Variants in DDX39A observed in about 807,000 individuals in gnomAD.
The protein encoded by DDX39A is DExD-box helicase 39A, also known as ATP-dependent RNA helicase DDX39A.
Under a neutral mutation model 46.3 loss-of-function variants are expected in DDX39A, and 13 were observed. The observed-to-expected ratio is 0.28, with a 90% confidence interval of 0.18 to 0.45. DDX39A has a LOEUF of 0.45. DDX39A is among the 20% of genes least tolerant of loss of function. The probability of loss-of-function intolerance (pLI) is 1.00; values close to 1 mark genes in which losing one functional copy is unlikely to be tolerated. For missense variants in DDX39A, 352 were observed against 581.8 expected (o/e 0.61, Z 4.06); for synonymous variants, 234 against 224.6 (o/e 1.04, Z -0.38).
intron 1 of DDX39A, among the ~76,000 whole-genome samples, chr19:14,414,463 G>T (rs1976725685): frequency 6.7e-6 from 1 of 149,598 alleles, no homozygotes; most frequent in African/African-American, 2.4e-5. Context: ...AGATTCTCCT[G>T]CCTCAGCCTC....
chr19:14,413,364 T>A, intron 1 of DDX39A, 140 bp from the exon 2 acceptor site: 1 of 729,468 alleles, frequency 1.4e-6, no homozygotes, highest in South Asian at 1.9e-5. Flanking sequence ...CTTCGCCCTG[T>A]CTCCACCTCC....
Position 14,412,887 on chromosome 19 carries a change from G to A in DDX39A, c.208+126C>T. On this transcript the variant is annotated intron_variant, in intron 2 of 10. Transcript: ENST00000242776. The surrounding 1 kb of genome is among the most constrained non-coding windows in gnomAD (Gnocchi z 4.4). ...GCCACAGGCCCCGCTGGGCACAACT[G>A]ATCCGCGGGACAGACGGGCCCCTCC... 6 of 1,299,806 alleles carry A rather than the reference G, an allele frequency of 4.6e-6. No individual in the cohort carries two copies. Among genetic ancestry groups the A allele is most frequent in the Non-Finnish European group, 6.3e-6 (6 of 947,632 alleles). The allele number at this position is 1,299,806 out of a possible 1,614,324, so 80.5% of individuals were successfully genotyped here. A position where few individuals can be genotyped will look rare whatever the true frequency, so the allele number is the denominator to read the frequency against.
At position 14,411,385 on chromosome 19, in the gene DDX39A, C is replaced by T. The variant is rs906168611; in HGVS notation, c.429+121G>A. ...CAGGCTTTTAAGGAGCAAAAACCACCGCAAACCTCAAAGGCAGCTGCCCCT... is the reference window on the plus strand; with the variant it reads ...CAGGCTTTTAAGGAGCAAAAACCACTGCAAACCTCAAAGGCAGCTGCCCCT... On this transcript the variant is annotated intron_variant, in intron 4 of 10. Transcript: ENST00000242776. The surrounding 1 kb of genome is among the most constrained non-coding windows in gnomAD (Gnocchi z 4.1). The T allele has an allele frequency of 1.3e-5, 15 of 1,112,194 alleles. No individual in the cohort carries two copies. The highest frequency in any genetic ancestry group is 9.9e-5 in the Admixed American group (5 of 50,320). 68.9% of individuals were successfully genotyped at this position (1,112,194 alleles called of 1,614,324 possible).
chr19:14,410,910 C>CA lies in DDX39A; in HGVS notation c.613+78dup, dbSNP rs1976560857. 7.4e-7 allele frequency: 1 copy of CA among 1,357,434 alleles called. No individual in the cohort carries two copies. The allele number at this position is 1,357,434 out of a possible 1,614,324, so 84.1% of individuals were successfully genotyped here. A position where few individuals can be genotyped will look rare whatever the true frequency, so the allele number is the denominator to read the frequency against. ...CCGCCTGCCGGCCGCCCATGTAACC[C>CA]ACTCAAGAGCCTTCCGCCTGCTATG... On this transcript the variant is annotated intron_variant, in intron 5 of 10. Coordinates refer to ENST00000242776, the MANE Select transcript of DDX39A (RefSeq NM_005804.4). The surrounding 1 kb of genome is among the most constrained non-coding windows in gnomAD (Gnocchi z 4.3).
intron 1 of DDX39A, among the ~76,000 whole-genome samples, chr19:14,414,325 T>TTTATTA (rs376558858): frequency 0.023 from 3,071 of 133,482 alleles, 60 homozygotes; most frequent in Non-Finnish European, 0.03. Flanking sequence ...TATCACCTGT[T>TTTATTA]TTATTATTAT....
chr19:14,414,369 T>G (rs927092119), intron 1 of DDX39A, among the ~76,000 whole-genome samples: 14 of 138,436 alleles, frequency 1.0e-4, no homozygotes, highest in African/African-American at 3.5e-4. Flanking sequence ...TTATTATTAT[T>G]ATTGAGATGA....
At position 14,409,007 on chromosome 19, in the gene DDX39A, C is replaced by T. The variant is rs1976427183; in HGVS notation, c.1267+30G>A. On this transcript the variant is annotated intron_variant, in intron 10 of 10. Transcript: ENST00000242776. This position sits in a 1 kb window ranked among gnomAD's most constrained non-coding sequence, Gnocchi z 8.3. Reference sequence around the variant, plus strand: ...GGGCCGGGGGAGGAACCCTCTGCCCCAGACCCCTGGCCCTGCCCAAGGCAC... The same window carrying T: ...GGGCCGGGGGAGGAACCCTCTGCCCTAGACCCCTGGCCCTGCCCAAGGCAC... 6.2e-7 allele frequency: 1 copy of T among 1,613,846 alleles called. No homozygotes were observed. The highest frequency in any genetic ancestry group is 8.5e-7 in the Non-Finnish European group (1 of 1,179,800).
chr19:14,411,534 C>A lies in DDX39A; in HGVS notation c.401G>T (p.Arg134Leu). 1 of 1,614,180 alleles carries A rather than the reference C, an allele frequency of 6.2e-7. No homozygotes were observed. ...GACGCTGGGCATGTACTTGGAAAAG[C>A]GCTCATATTCCTTGCTGATCTGGAA... is the stretch of plus-strand genomic sequence containing the variant. ...LAFQISKEYERFSKYMPSVKV... is the reference protein window; with the variant it reads ...LAFQISKEYELFSKYMPSVKV... Residue 134 changes from arginine to leucine, a missense_variant, in exon 4 of 11, where the codon CGC (arginine) becomes CTC (leucine). Arg to Leu is a moderately radical substitution (Grantham distance 102). This residue lies in a region of DDX39A where 301 missense variants were observed against 469.9 expected (regional missense o/e 0.64). Transcript: ENST00000242776. The surrounding 1 kb of genome is among the most constrained non-coding windows in gnomAD (Gnocchi z 4.1).
rs761435009 is a variant in DDX39A, at chr19:14,409,730, TG to T, written c.864+11del. On this transcript the variant is annotated intron_variant, in intron 7 of 10. Transcript: ENST00000242776. This position sits in a 1 kb window ranked among gnomAD's most constrained non-coding sequence, Gnocchi z 8.3. ...GGTCCTGAGCCCCAGGACAGGCTGA[TG>T]GAAGTATCACCTGGTTAAACTCCAG... The T allele has an allele frequency of 6.2e-6, 10 of 1,614,020 alleles. No homozygotes were observed. Among genetic ancestry groups the T allele is most frequent in the East Asian group, 4.5e-5 (2 of 44,904 alleles).
chr19:14,415,326 G>A (rs1976767160), intron 1 of DDX39A, among the ~76,000 whole-genome samples: 1 of 151,756 alleles, frequency 6.6e-6, no homozygotes, highest in African/African-American at 2.4e-5. Flanking sequence ...TTGAGACAAG[G>A]TCTTGCTCTG....
chr19:14,411,688 A>G lies in DDX39A; in HGVS notation c.337-90T>C, dbSNP rs142457753. 133 of 1,146,998 alleles carry G rather than the reference A, an allele frequency of 1.2e-4. 1 individual carries two copies. The African/African-American group carries it at 1.7e-3, about 15-fold the overall frequency. The allele number at this position is 1,146,998 out of a possible 1,614,324, so 71.1% of individuals were successfully genotyped here. A position where few individuals can be genotyped will look rare whatever the true frequency, so the allele number is the denominator to read the frequency against. On this transcript the variant is annotated intron_variant, in intron 3 of 10. Transcript: ENST00000242776. This position sits in a 1 kb window ranked among gnomAD's most constrained non-coding sequence, Gnocchi z 4.1. Reference sequence around the variant, plus strand: ...GTCCACCCAACCCAGTCCCCCTGACACTGCACCCAACATCACAGGCCATTT... The same window carrying G: ...GTCCACCCAACCCAGTCCCCCTGACGCTGCACCCAACATCACAGGCCATTT...
In DDX39A at chr19:14,411,300, A is replaced by G; in HGVS notation, c.430-128T>C. On this transcript the variant is annotated intron_variant, in intron 4 of 10. Coordinates refer to ENST00000242776, the MANE Select transcript of DDX39A (RefSeq NM_005804.4). The surrounding 1 kb of genome is among the most constrained non-coding windows in gnomAD (Gnocchi z 4.1). The stretch of plus-strand genomic sequence containing the variant: ...AGGCCTGAGAGCCTCCCGGGGCTCC[A>G]CTCAAAGGCAGCCCCAGGCTGGGAC... 2 of 1,178,152 alleles carry G rather than the reference A, an allele frequency of 1.7e-6. No homozygotes were observed. The highest frequency in any genetic ancestry group is 2.4e-6 in the Non-Finnish European group (2 of 843,002). The allele number at this position is 1,178,152 out of a possible 1,614,324, so 73.0% of individuals were successfully genotyped here.
chr19:14,413,742 C>T (rs1176763656), intron 1 of DDX39A, among the ~76,000 whole-genome samples: 1 of 152,218 alleles, frequency 6.6e-6, no homozygotes, highest in Non-Finnish European at 1.5e-5. Context: ...CCAAGGAACC[C>T]ACTGGGCTTT....
At chr19:14,419,091 G>T in intron 1 of DDX39A, 179 bp downstream of exon 1, 1 of 422,878 alleles carries the variant, frequency 2.4e-6, no homozygotes, top group Non-Finnish European at 4.7e-6. Context: ...CACCCCTAGC[G>T]CATGCGCCCC....
chr19:14,409,368 T>C lies in DDX39A; in HGVS notation c.1054A>G (p.Ile352Val). The change falls in exon 9 of 11, where the codon ATC (isoleucine) becomes GTC (valine). Residue 352 changes from isoleucine to valine, a missense_variant. Transcript: ENST00000242776. This position sits in a 1 kb window ranked among gnomAD's most constrained non-coding sequence, Gnocchi z 8.3. ...ATNLFGRGMD[I>V]ERVNIVFNYD... ...TTAAAGACGATGTTGACTCGCTCGA[T>C]GTCCATCCCCCGGCCAAACAGATTG... 6.2e-7 allele frequency: 1 copy of C among 1,614,212 alleles called. No individual in the cohort carries two copies. The highest frequency in any genetic ancestry group is 8.5e-7 in the Non-Finnish European group (1 of 1,180,032).
In DDX39A at chr19:14,413,204, A is replaced by C. The variant is rs1976664485; in HGVS notation, c.17T>G (p.Val6Gly). 2 of 1,613,950 alleles carry C rather than the reference A, an allele frequency of 1.2e-6. No individual in the cohort carries two copies. The highest frequency in any genetic ancestry group is 1.7e-6 in the Non-Finnish European group (2 of 1,179,950). MAEQD[V>G]ENDLLDYDEE... ...ATCGTAATCCAAAAGATCGTTTTCC[A>C]CATCCTGTTCTGCCATGATGCTGAG... Residue 6 changes from valine to glycine, a missense_variant, in exon 2 of 11, where the codon GTG becomes GGG. Coordinates refer to ENST00000242776, the MANE Select transcript of DDX39A (RefSeq NM_005804.4).
At chr19:14,417,830 C>T (rs1375625855) in intron 1 of DDX39A, among the ~76,000 whole-genome samples, 1 of 152,026 alleles carries the variant, frequency 6.6e-6, no homozygotes, top group Admixed American at 6.6e-5. Flanking sequence ...GGCATTCCAG[C>T]CTGGGTGACA....
chr19:14,418,917 C>T, intron 1 of DDX39A: 1 of 456,296 alleles, frequency 2.2e-6, no homozygotes, highest in Middle Eastern at 3.3e-4. Context: ...AGGCCCCAGA[C>T]CCCGGCGTCA....
intron 1 of DDX39A, among the ~76,000 whole-genome samples, chr19:14,417,778 T>C (rs1357162114): frequency 6.6e-6 from 1 of 151,930 alleles, no homozygotes; most frequent in African/African-American, 2.4e-5. Context: ...GCCGGGAGGA[T>C]CGCTTGAGCC....
Sources: allele counts gnomAD v4.1 joint callset (sites outside exome capture counted in the v4.1 genomes callset), GRCh38; gene constraint gnomAD v4.1.1; regional missense constraint gnomAD v4.1.1; non-coding constraint Gnocchi (gnomAD v3.1); transcripts MANE v1.5; gene names NCBI Gene and HGNC (gene_info 2026-07-23, HGNC 2026-07-21).